NAPEPLD: variants seen among roughly 807,000 people sequenced by gnomAD.
The protein encoded by NAPEPLD is N-acyl-phosphatidylethanolamine-hydrolyzing phospholipase D.
A neutral mutation model predicts 38.1 loss-of-function variants in NAPEPLD; 23 were observed. That is an observed-to-expected ratio of 0.60 (90% CI 0.43 to 0.86). The LOEUF is 0.86. Among genes scored for constraint, NAPEPLD ranks in the 40% least tolerant of loss-of-function variants. The pLI, the probability that NAPEPLD is intolerant of heterozygous loss-of-function variation, is 0.00. For missense variants in NAPEPLD, 411 were observed against 476.8 expected, an observed-to-expected ratio of 0.86 and a Z score of 1.28; for synonymous variants, 147 against 162.0, an observed-to-expected ratio of 0.91 and a Z score of 0.71.
intron 1 of NAPEPLD, among the ~76,000 whole-genome samples, chr7:103,145,216 A>T (rs1812293264): frequency 6.6e-6 from 1 of 152,232 alleles, no homozygotes; most frequent in African/African-American, 2.4e-5. Context: ...CAAAAGAAAA[A>T]AATTATAATG....
intron 1 of NAPEPLD, among the ~76,000 whole-genome samples, chr7:103,143,901 T>A (rs1812014203): frequency 6.6e-6 from 1 of 152,190 alleles, no homozygotes; most frequent in Non-Finnish European, 1.5e-5. Flanking sequence ...CACTGCAGCC[T>A]TGAACTCCTG....
chr7:103,132,214 A>G (rs1358107877), intron 1 of NAPEPLD, among the ~76,000 whole-genome samples: 4 of 152,226 alleles, frequency 2.6e-5, no homozygotes, highest in Non-Finnish European at 5.9e-5. Flanking sequence ...ACCATGCCAC[A>G]TATTTCACCT....
Position 103,137,232 on chromosome 7 carries a change from C to G in NAPEPLD, c.-16-8440G>C, listed in dbSNP as rs1201523160. ...GGATCACAGGCATGAGCCACTGCTTCCGGCCCCAAATAAATAGTTCTGAGA... is the reference window on the plus strand; with the variant it reads ...GGATCACAGGCATGAGCCACTGCTTGCGGCCCCAAATAAATAGTTCTGAGA... On this transcript the variant is annotated intron_variant, in intron 1 of 4. Transcript: ENST00000465647. Among the ~76,000 whole-genome samples, 4 of 152,370 alleles carry G rather than the reference C, an allele frequency of 2.6e-5. No homozygotes were observed. In the East Asian group the frequency reaches 5.8e-4, roughly 22 times the overall value.
chr7:103,110,844 C>CA (rs2129527359), intron 4 of NAPEPLD, among the ~76,000 whole-genome samples: 1 of 152,226 alleles, frequency 6.6e-6, no homozygotes, highest in Admixed American at 6.5e-5. Flanking sequence ...CATCTCAACC[C>CA]AAAATCTCCT....
intron 3 of NAPEPLD, chr7:103,115,408 C>A (rs1236641031): frequency 1.6e-5 from 6 of 379,506 alleles, no homozygotes; most frequent in Non-Finnish European, 2.8e-5. Context: ...AATTAAGTCA[C>A]AGGAGGCAAA....
intron 1 of NAPEPLD, among the ~76,000 whole-genome samples, chr7:103,137,831 A>AAAG (rs1563369019): frequency 1.9e-4 from 28 of 150,650 alleles, no homozygotes; most frequent in Non-Finnish European, 3.7e-4. Context: ...AAAAAAAAAA[A>AAAG]AAAAAGAAAA....
chr7:103,127,006 G>T (rs888461145), intron 2 of NAPEPLD: 7 of 151,928 alleles, frequency 4.6e-5, no homozygotes, highest in African/African-American at 1.5e-4. Flanking sequence ...GTCCAAAATA[G>T]AACTACTATA....
Position 103,143,177 on chromosome 7 carries a change from T to C in NAPEPLD, c.-17+5634A>G, listed in dbSNP as rs1205762355. Among the ~76,000 whole-genome samples, 5 of 151,750 alleles carry C rather than the reference T, an allele frequency of 3.3e-5. No individual in the cohort carries two copies. In the East Asian group the frequency reaches 9.8e-4, roughly 30 times the overall value. On this transcript the variant is annotated intron_variant, in intron 1 of 4. Coordinates refer to ENST00000465647, the MANE Select transcript of NAPEPLD (RefSeq NM_001122838.3). ...AGGAGGTCAAGGCTGTAGTGAGCCGTGATCATGCCACTGCACTCCAGCCTG... is the reference window on the plus strand; with the variant it reads ...AGGAGGTCAAGGCTGTAGTGAGCCGCGATCATGCCACTGCACTCCAGCCTG...
chr7:103,118,548 CATTCA>C (rs1204413203), intron 3 of NAPEPLD, among the ~76,000 whole-genome samples: 1 of 152,160 alleles, frequency 6.6e-6, no homozygotes, highest in Non-Finnish European at 1.5e-5. Flanking sequence ...AGTTTAGATT[CATTCA>C]ATTCATCTAT....
In NAPEPLD at chr7:103,119,564, G is replaced by A. The variant is rs754778402; in HGVS notation, c.941+13C>T. 34 of 1,587,700 alleles carry A rather than the reference G, an allele frequency of 2.1e-5. No individual in the cohort carries two copies. Among genetic ancestry groups the A allele is most frequent in the Non-Finnish European group, 2.3e-5 (27 of 1,166,436 alleles). On this transcript the variant is annotated intron_variant, in intron 3 of 4. Coordinates refer to ENST00000465647, the MANE Select transcript of NAPEPLD (RefSeq NM_001122838.3). ...TCACATAGCAGGAATGTTTTCTTTGGAAGTCTACATACCTCGGTTCATAAG... is the reference window on the plus strand; with the variant it reads ...TCACATAGCAGGAATGTTTTCTTTGAAAGTCTACATACCTCGGTTCATAAG...
Position 103,149,030 on chromosome 7 carries a change from G to A in NAPEPLD, c.-236C>T, listed in dbSNP as rs1341769130. 4 of 985,426 alleles carry A rather than the reference G, an allele frequency of 4.1e-6. No individual in the cohort carries two copies. Among genetic ancestry groups the A allele is most frequent in the Non-Finnish European group, 4.8e-6 (4 of 829,942 alleles). The allele number at this position is 985,426 out of a possible 1,614,324, so 61.0% of individuals were successfully genotyped here. On this transcript the variant is annotated 5_prime_UTR_variant, in exon 1 of 5. Transcript: ENST00000465647. ...TCTCCGAGATGAGGGAGGGCTCGGG[G>A]ACGGGAAACCCACTCTCAGCCCGCT...
At chr7:103,141,430 G>T in intron 1 of NAPEPLD, 2 of 890,414 alleles carry the variant, frequency 2.2e-6, no homozygotes, top group Non-Finnish European at 3.8e-6. Context: ...CATAGCTCTT[G>T]TGTGCTTCCT....
In NAPEPLD at chr7:103,101,582, A is replaced by G. The variant is rs569544225; in HGVS notation, c.*1847T>C. The stretch of plus-strand genomic sequence containing the variant: ...TTAGGCAGTGATATCTTAAGAAATC[A>G]TTTTCTCCCTTATATTTTCTAAAGT... On this transcript the variant is annotated 3_prime_UTR_variant, in exon 5 of 5. Transcript: ENST00000465647. 2.0e-5 allele frequency: 3 copies of G among 152,702 alleles called. 1 individual carries two copies. The South Asian group carries it at 6.2e-4, about 32-fold the overall frequency. The allele number at this position is 152,702 out of a possible 1,614,324, so 9.5% of individuals were successfully genotyped here. A position where few individuals can be genotyped will look rare whatever the true frequency, so the allele number is the denominator to read the frequency against.
chr7:103,118,833 G>A (rs1187748839), intron 3 of NAPEPLD, among the ~76,000 whole-genome samples: 2 of 152,232 alleles, frequency 1.3e-5, no homozygotes, highest in Admixed American at 1.3e-4. Context: ...TCCAATGAGA[G>A]TGTGACCTTT....
At chr7:103,143,119 T>G (rs1295013882) in intron 1 of NAPEPLD, among the ~76,000 whole-genome samples, 1 of 151,778 alleles carries the variant, frequency 6.6e-6, no homozygotes, top group Non-Finnish European at 1.5e-5. Context: ...TAGCCAGGTG[T>G]GGCGGGCTGA....
chr7:103,106,913 C>T (rs1803487208), intron 4 of NAPEPLD, among the ~76,000 whole-genome samples: 1 of 152,208 alleles, frequency 6.6e-6, no homozygotes, highest in South Asian at 2.1e-4. Context: ...AAGGGACAGA[C>T]TGCCTCCTCA....
chr7:103,149,419 C>G (rs1252044428), upstream of NAPEPLD: 1 of 1,236,288 alleles, frequency 8.1e-7, no homozygotes, highest in Non-Finnish European at 1.0e-6. Flanking sequence ...GAGCCCGCCG[C>G]GCTGGCTCCG....
At position 103,119,986 on chromosome 7, in the gene NAPEPLD, T is replaced by C. The variant is rs1032081034; in HGVS notation, c.532A>G (p.Ile178Val). 4 of 1,614,084 alleles carry C rather than the reference T, an allele frequency of 2.5e-6. No homozygotes were observed. The highest frequency in any genetic ancestry group is 3.4e-6 in the Non-Finnish European group (4 of 1,180,040). Residue 178 changes from isoleucine to valine, a missense_variant, in exon 3 of 5, where the codon ATA (isoleucine) becomes GTA (valine). Coordinates refer to ENST00000465647, the MANE Select transcript of NAPEPLD (RefSeq NM_001122838.3). ...TTGTGACTGATAAGGACCGCATCTA[T>C]TGGAGGGAGTTCACTTATTGTGCAC... ...SPCTISELPP[I>V]DAVLISHNHY...
At chr7:103,149,325 C>G (rs561371810), upstream of NAPEPLD, 122 of 1,122,284 alleles carry the variant, frequency 1.1e-4, no homozygotes, top group African/African-American at 1.7e-3. Flanking sequence ...AGTTCCGCGG[C>G]TTCCGGCCAC....
Sources: gnomAD v4.1 joint callset for allele counts (sites outside exome capture counted in the v4.1 genomes callset) on GRCh38, gnomAD v4.1.1 for gene constraint, MANE v1.5 for transcripts, NCBI Gene and HGNC (gene_info 2026-07-23, HGNC 2026-07-21) for gene names.